The following SPP2 variants were observed in gnomAD, a reference collection of about 807,000 sequenced individuals.
SPP2 encodes the protein secreted phosphoprotein 2.
SPP2 carries 34 observed loss-of-function variants against 28.8 expected under a neutral mutation model. That is an observed-to-expected ratio of 1.18 (90% CI 0.90 to 1.57). The LOEUF (loss-of-function observed/expected upper bound fraction) is 1.57. SPP2 is among the 40% of genes most tolerant of loss of function. The pLI is 0.00. For synonymous variants in SPP2, 96 were observed against 89.4 expected, an observed-to-expected ratio of 1.07 and a Z score of -0.42; for missense variants, 269 against 263.9, an observed-to-expected ratio of 1.02 and a Z score of -0.13.
At chr2:234,076,348 A>G (rs1402309913) in intron 7 of SPP2, among the ~76,000 whole-genome samples, 1 of 151,632 alleles carries the variant, frequency 6.6e-6, no homozygotes, top group Non-Finnish European at 1.5e-5. Flanking sequence ...GCCCCATCTT[A>G]TCCTCCGAGT....
intron 7 of SPP2, among the ~76,000 whole-genome samples, chr2:234,074,261 AAACTAGAAATGTAGTCACC>A (rs1398673715): frequency 2.6e-5 from 4 of 152,198 alleles, no homozygotes; most frequent in African/African-American, 9.7e-5. Flanking sequence ...GCGTTGGGTG[AAACTAGAAATGTAGTCACC>A]AACTAGATGG....
rs34347825 is a variant in SPP2 at position 234,050,998 on chromosome 2, C to T, written c.113C>T (p.Ser38Phe). 7.5e-3 allele frequency: 12,134 copies of T among 1,614,016 alleles called. 66 individuals carry two copies. Among genetic ancestry groups the T allele is most frequent in the Non-Finnish European group, 9.1e-3 (10,724 of 1,179,944 alleles). The stretch of plus-strand genomic sequence containing the variant: ...TTCCCAGTGTACGACTACGATCCAT[C>T]CTCCTTAAGGGATGCCCTCAGTGCC... ...SGFPVYDYDP[S>F]SLRDALSASV... The change falls in exon 2 of 8, where the codon TCC becomes TTC. Residue 38 changes from serine (S) to phenylalanine (F), a missense_variant. Physicochemically the swap from Ser to Phe is radical, Grantham distance 155. Coordinates refer to ENST00000168148, the MANE Select transcript of SPP2 (RefSeq NM_006944.3).
chr2:234,066,395 A>G (rs1693818491), intron 4 of SPP2, 138 bp from the exon 5 acceptor site: 2 of 700,646 alleles, frequency 2.9e-6, no homozygotes, highest in Admixed American at 2.6e-5. Context: ...GTTATTTAAT[A>G]TAACGTATTG....
chr2:234,058,330 G>C (rs1333000545), intron 2 of SPP2, among the ~76,000 whole-genome samples: 2 of 152,032 alleles, frequency 1.3e-5, no homozygotes, highest in Non-Finnish European at 2.9e-5. Flanking sequence ...ACCATAAAAA[G>C]CACACTTGTT....
intron 7 of SPP2, among the ~76,000 whole-genome samples, chr2:234,072,716 G>A (rs539046246): frequency 5.3e-5 from 8 of 152,230 alleles, no homozygotes; most frequent in East Asian, 3.9e-4. Context: ...TGGTAAGGCC[G>A]GCATAGTGGG....
chr2:234,073,603 A>G (rs1690837513), intron 7 of SPP2, among the ~76,000 whole-genome samples: 1 of 152,216 alleles, frequency 6.6e-6, no homozygotes, highest in African/African-American at 2.4e-5. Context: ...AAGGTAGGAA[A>G]TGTAGAAAAT....
intron 3 of SPP2, among the ~76,000 whole-genome samples, chr2:234,059,472 C>A (rs1449557861): frequency 6.6e-6 from 1 of 152,082 alleles, no homozygotes; most frequent in Non-Finnish European, 1.5e-5. Flanking sequence ...CCATGAAAAC[C>A]TAACCCCAAA....
At chr2:234,071,464 T>A (rs1301978103) in intron 7 of SPP2, among the ~76,000 whole-genome samples, 2 of 152,186 alleles carry the variant, frequency 1.3e-5, no homozygotes, top group South Asian at 2.1e-4. Flanking sequence ...CACATGAGTA[T>A]AAATTCCCAG....
intron 7 of SPP2, among the ~76,000 whole-genome samples, chr2:234,074,631 T>C (rs1457939816): frequency 6.6e-6 from 1 of 152,210 alleles, no homozygotes; most frequent in East Asian, 1.9e-4. Context: ...TCTTATTATC[T>C]GAGGCAGCTA....
At chr2:234,063,963 C>T (rs1693770005) in intron 4 of SPP2, among the ~76,000 whole-genome samples, 1 of 152,150 alleles carries the variant, frequency 6.6e-6, no homozygotes, top group Non-Finnish European at 1.5e-5. Context: ...AGATATTCAA[C>T]TAGAAGTAGT....
chr2:234,051,255 A>G (rs557604303), intron 2 of SPP2, among the ~76,000 whole-genome samples, 160 bp downstream of exon 2: 2 of 152,306 alleles, frequency 1.3e-5, no homozygotes, highest in African/African-American at 4.8e-5. Context: ...GAAAGATTTA[A>G]TTACAATTTT....
chr2:234,051,402 C>T (rs565564338), intron 2 of SPP2, among the ~76,000 whole-genome samples: 22 of 152,266 alleles, frequency 1.4e-4, no homozygotes, highest in African/African-American at 3.1e-4. Flanking sequence ...TGTTTTATTA[C>T]GAACTTCTCA....
chr2:234,057,830 G>A lies in SPP2; in HGVS notation c.211-1006G>A, dbSNP rs183822519. ...ATAGTCTGTACTGCAGAGAGCACTC[G>A]TTGCTCAATTACTTATTTCTGGAAT... On this transcript the variant is annotated intron_variant, in intron 2 of 7. Transcript: ENST00000168148. 7.2e-5 allele frequency among the ~76,000 whole-genome samples: 11 copies of A among 152,336 alleles called. No homozygotes were observed. In the East Asian group the frequency reaches 1.9e-3, roughly 27 times the overall value.
chr2:234,075,796 G>T (rs1173029604), intron 7 of SPP2, among the ~76,000 whole-genome samples: 2 of 152,120 alleles, frequency 1.3e-5, no homozygotes, highest in Non-Finnish European at 2.9e-5. Flanking sequence ...ACCTCCGTCT[G>T]GGTATTCCAC....
intron 2 of SPP2, among the ~76,000 whole-genome samples, chr2:234,051,865 C>G (rs991738381): frequency 2.6e-5 from 4 of 152,140 alleles, no homozygotes; most frequent in African/African-American, 9.7e-5. Flanking sequence ...GGCTGAAGGT[C>G]CAGGCAGCAG....
intron 6 of SPP2, 144 bp from the exon 7 acceptor site, chr2:234,069,784 A>T (rs890357084): frequency 3.7e-5 from 23 of 615,180 alleles, no homozygotes; most frequent in Non-Finnish European, 6.5e-5. Flanking sequence ...AGATGAAGTT[A>T]TCGCACCCTC....
intron 6 of SPP2, among the ~76,000 whole-genome samples, chr2:234,068,719 T>TA (rs1406244456): frequency 2.4e-4 from 35 of 148,928 alleles, no homozygotes; most frequent in African/African-American, 8.1e-4. Flanking sequence ...TTTTTTTTTT[T>TA]AAATCTCCGT....
At chr2:234,052,542 G>A (rs1394719273) in intron 2 of SPP2, among the ~76,000 whole-genome samples, 1 of 152,204 alleles carries the variant, frequency 6.6e-6, no homozygotes, top group Non-Finnish European at 1.5e-5. Flanking sequence ...AGCCACCAGA[G>A]CGTGTTCTGG....
intron 7 of SPP2, among the ~76,000 whole-genome samples, chr2:234,074,751 A>G (rs919696336): frequency 1.3e-5 from 2 of 152,046 alleles, no homozygotes; most frequent in Non-Finnish European, 2.9e-5. Context: ...GTTTTCCTCA[A>G]CTGATTAGTC....
Sources: gnomAD v4.1 joint callset for allele counts (sites outside exome capture counted in the v4.1 genomes callset) on GRCh38, gnomAD v4.1.1 for gene constraint, MANE v1.5 for transcripts, NCBI Gene and HGNC (gene_info 2026-07-23, HGNC 2026-07-21) for gene names.